LRFN2: variants seen among roughly 807,000 people sequenced by gnomAD.
LRFN2 encodes leucine-rich repeat and fibronectin type-III domain-containing protein 2.
In LRFN2, 18 loss-of-function variants were observed where a neutral mutation model predicts 37.3. The ratio of observed to expected loss-of-function variants is 0.48; its 90% CI spans 0.33 to 0.72. The LOEUF (loss-of-function observed/expected upper bound fraction) is 0.72. Ranked by LOEUF, LRFN2 falls within the 30% of genes least tolerant of loss-of-function variation. The pLI, the probability that LRFN2 is intolerant of heterozygous loss-of-function variation, is 0.02. For synonymous variants in LRFN2, 556 were observed against 466.6 expected (o/e 1.19, Z -2.47); for missense variants, 1,006 against 1,060.7 (o/e 0.95, Z 0.72).
chr6:40,515,374 G>A (rs60249840), intron 1 of LRFN2, among the ~76,000 whole-genome samples: 34 of 152,338 alleles, frequency 2.2e-4, no homozygotes, highest in African/African-American at 7.9e-4. Flanking sequence ...AGAATACATG[G>A]TTCAGTGAGA....
rs368387655 is a variant in LRFN2 at position 40,483,929 on chromosome 6, T to A, written c.-18-50798A>T. Among the ~76,000 whole-genome samples, 18 of 152,332 alleles carry A rather than the reference T, an allele frequency of 1.2e-4. No homozygotes were observed. The South Asian group carries it at 3.7e-3, about 32-fold the overall frequency. ...ACCACATCATCCTCCCTCTTGAGCC[T>A]GTCAGCATTCCTGGCTCAGAGAGAA... is the stretch of plus-strand genomic sequence containing the variant. On this transcript the variant is annotated intron_variant, in intron 1 of 2. Transcript: ENST00000338305.
chr6:40,417,219 G>GTT (rs2113810611), intron 2 of LRFN2, among the ~76,000 whole-genome samples: 1 of 152,360 alleles, frequency 6.6e-6, no homozygotes, highest in East Asian at 1.9e-4. Context: ...CTCACACGCG[G>GTT]TGGCATTTTG....
intron 1 of LRFN2, among the ~76,000 whole-genome samples, chr6:40,493,982 G>A (rs927699361): frequency 5.3e-5 from 8 of 152,240 alleles, no homozygotes; most frequent in Admixed American, 1.3e-4. Flanking sequence ...CTGTCCTGTG[G>A]TTCTGGAAAA....
rs140510702 is a variant in LRFN2 at position 40,408,166 on chromosome 6, AC to A, written c.1401-15255del. Among the ~76,000 whole-genome samples the A allele has an allele frequency of 6.1e-4, 93 of 152,348 alleles. No individual in the cohort carries two copies. The East Asian group carries it at 0.013, about 21-fold the overall frequency. ...AATGGATGGTGACAGTGACTGCACAACAATATGATGTATTTAGTGCCAGTGA... is the reference window on the plus strand; with the variant it reads ...AATGGATGGTGACAGTGACTGCACAAAATATGATGTATTTAGTGCCAGTGA... On this transcript the variant is annotated intron_variant, in intron 2 of 2. Coordinates refer to ENST00000338305, the MANE Select transcript of LRFN2 (RefSeq NM_020737.3).
intron 1 of LRFN2, among the ~76,000 whole-genome samples, chr6:40,520,900 G>T (rs1766043961): frequency 6.6e-6 from 1 of 151,972 alleles, no homozygotes; most frequent in African/African-American, 2.4e-5. Context: ...CAGGAGCAGG[G>T]TGGAAACATT....
chr6:40,502,701 A>C (rs1765417965), intron 1 of LRFN2, among the ~76,000 whole-genome samples: 1 of 152,230 alleles, frequency 6.6e-6, no homozygotes, highest in Non-Finnish European at 1.5e-5. Context: ...CTAGAACCTA[A>C]GTCCTCAGAG....
At chr6:40,584,431 A>T (rs1162270001) in intron 1 of LRFN2, among the ~76,000 whole-genome samples, 1 of 152,208 alleles carries the variant, frequency 6.6e-6, no homozygotes, top group Non-Finnish European at 1.5e-5. Context: ...TGACAACTCT[A>T]TCCCTTCAAT....
At chr6:40,488,731 A>G (rs920495257) in intron 1 of LRFN2, among the ~76,000 whole-genome samples, 9 of 152,040 alleles carry the variant, frequency 5.9e-5, no homozygotes, top group Middle Eastern at 6.8e-3. Context: ...CCCTATACCC[A>G]CTGTGTTTTA....
intron 1 of LRFN2, among the ~76,000 whole-genome samples, chr6:40,451,656 G>C (rs1038092641): frequency 6.6e-6 from 1 of 152,038 alleles, no homozygotes; most frequent in Non-Finnish European, 1.5e-5. Context: ...TGTGGATCCT[G>C]GTCTCCTGAC....
At chr6:40,421,745 G>C (rs1763233680) in intron 2 of LRFN2, among the ~76,000 whole-genome samples, 1 of 152,172 alleles carries the variant, frequency 6.6e-6, no homozygotes, top group Non-Finnish European at 1.5e-5. Flanking sequence ...ACTTTGGAAT[G>C]CTCTTGACTG....
chr6:40,496,434 T>C (rs1305236781), intron 1 of LRFN2, among the ~76,000 whole-genome samples: 1 of 152,150 alleles, frequency 6.6e-6, no homozygotes, highest in African/African-American at 2.4e-5. Flanking sequence ...CAAGGCCCTG[T>C]GTGATTCGGT....
chr6:40,416,211 G>A (rs989306658), intron 2 of LRFN2, among the ~76,000 whole-genome samples: 3 of 152,160 alleles, frequency 2.0e-5, no homozygotes. Flanking sequence ...ATTTCACCAT[G>A]TTGGCCAGGC....
intron 1 of LRFN2, among the ~76,000 whole-genome samples, chr6:40,464,508 C>A (rs1209133180): frequency 6.6e-6 from 1 of 152,204 alleles, no homozygotes; most frequent in Non-Finnish European, 1.5e-5. Context: ...GATGCAAGCC[C>A]CTTGACCTTG....
At chr6:40,540,389 T>A (rs1381192740) in intron 1 of LRFN2, among the ~76,000 whole-genome samples, 7 of 152,164 alleles carry the variant, frequency 4.6e-5, no homozygotes, top group Non-Finnish European at 1.0e-4. Context: ...GATCCCAAGC[T>A]TTTGCAAAGC....
At chr6:40,435,636 T>C (rs1229208951) in intron 1 of LRFN2, among the ~76,000 whole-genome samples, 2 of 152,112 alleles carry the variant, frequency 1.3e-5, no homozygotes, top group African/African-American at 4.8e-5. Flanking sequence ...CCTCCCAGGT[T>C]CACGCCATTC....
At chr6:40,403,677 C>T (rs1438554099) in intron 2 of LRFN2, among the ~76,000 whole-genome samples, 1 of 152,190 alleles carries the variant, frequency 6.6e-6, no homozygotes, top group Admixed American at 6.5e-5. Context: ...GCAGGGTTGG[C>T]ATCAGCCCCT....
chr6:40,425,690 G>A (rs1763336793), intron 2 of LRFN2, among the ~76,000 whole-genome samples: 1 of 152,230 alleles, frequency 6.6e-6, no homozygotes, highest in Non-Finnish European at 1.5e-5. Context: ...AAAGGAAACA[G>A]GCCAGGCCCT....
rs538951261 is a variant in LRFN2, at chr6:40,392,495, G to C, written c.1818C>G (p.Asn606Lys). Reference protein sequence around the residue: ...PQGPPKVVVRNELLDFTASLA... With the variant: ...PQGPPKVVVRKELLDFTASLA... ...GGCTGGCGGTGAAGTCCAGGAGCTC[G>C]TTGCGCACCACCACCTTCGGCGGGC... Residue 606 changes from asparagine to lysine, a missense_variant, in exon 3 of 3, where the codon AAC becomes AAG. Coordinates refer to ENST00000338305, the MANE Select transcript of LRFN2 (RefSeq NM_020737.3). This position sits in a 1 kb window ranked among gnomAD's most constrained non-coding sequence, Gnocchi z 4.7. 2 of 1,580,636 alleles carry C rather than the reference G, an allele frequency of 1.3e-6. No homozygotes were observed. The highest frequency in any genetic ancestry group is 1.7e-6 in the Non-Finnish European group (2 of 1,164,516).
At chr6:40,414,226 G>A (rs1455489743) in intron 2 of LRFN2, among the ~76,000 whole-genome samples, 1 of 152,174 alleles carries the variant, frequency 6.6e-6, no homozygotes, top group Non-Finnish European at 1.5e-5. Context: ...CTATGAAGGT[G>A]CCTGGTGCAG....
Sources: gnomAD v4.1 joint callset for allele counts (sites outside exome capture counted in the v4.1 genomes callset) on GRCh38, gnomAD v4.1.1 for gene constraint, Gnocchi (gnomAD v3.1) non-coding constraint, MANE v1.5 for transcripts, NCBI Gene and HGNC (gene_info 2026-07-23, HGNC 2026-07-21) for gene names.